Variants in NUP205 observed in about 807,000 individuals in gnomAD.
The protein encoded by NUP205 is nucleoporin 205.
In NUP205, 76 loss-of-function variants were observed where a neutral mutation model predicts 253.8. That is an observed-to-expected ratio of 0.30 (90% confidence interval 0.25 to 0.36). The LOEUF is 0.36. Ranked by LOEUF, NUP205 falls within the 10% of genes least tolerant of loss-of-function variation. NUP205 has a pLI of 1.00. For synonymous variants in NUP205, 832 were observed against 850.1 expected, an observed-to-expected ratio of 0.98 and a Z score of 0.37; for missense variants, 2,162 against 2,425.5, an observed-to-expected ratio of 0.89 and a Z score of 2.28.
intron 38 of NUP205, among the ~76,000 whole-genome samples, chr7:135,639,195 C>T (rs1794872792): frequency 6.6e-6 from 1 of 151,772 alleles, no homozygotes; most frequent in African/African-American, 2.4e-5. Flanking sequence ...CTATGGAACA[C>T]TCAGAAGAAA....
rs148613242 is a variant in NUP205, at chr7:135,573,763, C to A, written c.281C>A (p.Ala94Asp). 2.1e-5 allele frequency: 34 copies of A among 1,613,542 alleles called. No homozygotes were observed. The highest frequency in any genetic ancestry group is 2.9e-5 in the Non-Finnish European group (34 of 1,179,740). ...CTTCCTGAACAGCTCATTAAAGAAG[C>A]CTTTATTCTCAGTGACCTTTTTGAT... Reference protein sequence around the residue: ...RLLPEQLIKEAFILSDLFDIG... With the variant: ...RLLPEQLIKEDFILSDLFDIG... Residue 94 changes from alanine to aspartate, a missense_variant, in exon 3 of 43, where the codon GCC (alanine) becomes GAC (aspartate). Physicochemically the swap from Ala to Asp is moderately radical, Grantham distance 126 (BLOSUM62 -2). Coordinates refer to ENST00000285968, the MANE Select transcript of NUP205 (RefSeq NM_015135.3).
intron 1 of NUP205, among the ~76,000 whole-genome samples, chr7:135,570,871 A>ATATGTGTAATATATTATATATTATATATT (rs1805976778): frequency 2.9e-5 from 3 of 104,614 alleles, no homozygotes; most frequent in Non-Finnish European, 5.6e-5. Flanking sequence ...TAAATATAAA[A>ATATGTGTAATATATTATATATTATATATT]TATATGTAAT....
intron 31 of NUP205, 35 bp from the exon 32 acceptor site, chr7:135,625,129 T>C (rs774293373): frequency 5.2e-6 from 8 of 1,551,298 alleles, no homozygotes; most frequent in Non-Finnish European, 6.2e-6. Context: ...TGGTAGCATC[T>C]ACATGTTTTG....
At chr7:135,611,671 C>G (rs552182260) in intron 22 of NUP205, among the ~76,000 whole-genome samples, 2 of 151,576 alleles carry the variant, frequency 1.3e-5, no homozygotes, top group Admixed American at 6.6e-5. Context: ...TCTGCTGTAG[C>G]GAACAAAAAA....
intron 21 of NUP205, 124 bp downstream of exon 21, chr7:135,607,039 T>C: frequency 3.4e-6 from 4 of 1,164,274 alleles, no homozygotes; most frequent in Non-Finnish European, 4.9e-6. Context: ...GGTAATGTGA[T>C]GGATGGGTCA....
chr7:135,643,412 G>T, intron 39 of NUP205, 54 bp downstream of exon 39: 2 of 1,459,770 alleles, frequency 1.4e-6, no homozygotes, highest in South Asian at 2.4e-5. Flanking sequence ...CTGTTACTAG[G>T]CCAGGGTACT....
At chr7:135,631,713 G>A (rs1309213139) in intron 35 of NUP205, among the ~76,000 whole-genome samples, 2 of 150,100 alleles carry the variant, frequency 1.3e-5, no homozygotes, top group Admixed American at 6.6e-5. Flanking sequence ...TCTTTCTTTT[G>A]ATTTATCTCT....
At chr7:135,582,787 G>A (rs1352791400) in intron 7 of NUP205, among the ~76,000 whole-genome samples, 3 of 149,144 alleles carry the variant, frequency 2.0e-5, no homozygotes, top group Non-Finnish European at 4.4e-5. Flanking sequence ...TTCAAAATAC[G>A]AAACAAAACA....
intron 30 of NUP205, among the ~76,000 whole-genome samples, chr7:135,621,577 A>G (rs1794470454): frequency 1.3e-5 from 2 of 152,216 alleles, no homozygotes; most frequent in African/African-American, 4.8e-5. Context: ...GTACTTGTGA[A>G]ATTTTTAAAG....
At chr7:135,570,338 C>T (rs1805922123) in intron 1 of NUP205, among the ~76,000 whole-genome samples, 1 of 151,770 alleles carries the variant, frequency 6.6e-6, no homozygotes, top group Non-Finnish European at 1.5e-5. Flanking sequence ...TCCCAGCCTC[C>T]CAAGTAGCTG....
intron 7 of NUP205, among the ~76,000 whole-genome samples, chr7:135,581,688 C>T (rs1806308548): frequency 6.6e-6 from 1 of 151,832 alleles, no homozygotes; most frequent in South Asian, 2.1e-4. Flanking sequence ...CCCATCTCCA[C>T]TAAAAACACA....
At chr7:135,590,243 C>T (rs1353689429) in intron 10 of NUP205, among the ~76,000 whole-genome samples, 1 of 150,628 alleles carries the variant, frequency 6.6e-6, no homozygotes, top group African/African-American at 2.4e-5. Flanking sequence ...TCCCAAGGAG[C>T]TGGGATTACA....
intron 25 of NUP205, 107 bp from the exon 26 acceptor site, chr7:135,616,983 A>G: frequency 1.2e-6 from 1 of 812,814 alleles, no homozygotes. Flanking sequence ...TGACTATTTT[A>G]TGCTCTTTCT....
chr7:135,648,503 A>G lies in NUP205; in HGVS notation c.5986A>G (p.Ile1996Val). 1 of 1,605,618 alleles carries G rather than the reference A, an allele frequency of 6.2e-7. No homozygotes were observed. Among genetic ancestry groups the G allele is most frequent in the South Asian group, 1.1e-5 (1 of 89,674 alleles). The change falls in exon 43 of 43, where the codon ATA becomes GTA. Residue 1996 changes from isoleucine to valine, a missense_variant. Around this residue, in one of 5 missense-constraint regions of NUP205, gnomAD observed 1,144 missense variants for 1,280.9 expected, o/e 0.89. Transcript: ENST00000285968. Reference protein sequence around the residue: ...YSKVRSRYSFIQALVRRIRGL... With the variant: ...YSKVRSRYSFVQALVRRIRGL... Reference sequence around the variant, plus strand: ...AAAAGTTCGATCTCGATATAGTTTCATACAGGCTCTTGTCAGACGTATCCG... The same window carrying G: ...AAAAGTTCGATCTCGATATAGTTTCGTACAGGCTCTTGTCAGACGTATCCG...
intron 22 of NUP205, among the ~76,000 whole-genome samples, chr7:135,610,889 C>T (rs972174137): frequency 2.6e-5 from 4 of 152,044 alleles, no homozygotes; most frequent in Non-Finnish European, 5.9e-5. Context: ...TCTTTAAGAA[C>T]GGAGATTTCT....
chr7:135,622,855 T>C lies in NUP205; in HGVS notation c.4409T>C (p.Ile1470Thr). The change falls in exon 31 of 43, where the codon ATT (isoleucine) becomes ACT (threonine). Residue 1470 changes from isoleucine (I) to threonine (T), a missense_variant. Ile to Thr is a moderately conservative substitution (Grantham distance 89, BLOSUM62 -1). Around this residue, in one of 5 missense-constraint regions of NUP205, gnomAD observed 1,144 missense variants for 1,280.9 expected, o/e 0.89. Transcript: ENST00000285968. ...TTACAGCGAGAAAACATAGCCATTA[T>C]TGAAAGTTATGGCGCCGCCCTCATG... ...SKLQRENIAI[I>T]ESYGAALMEV... is the part of the protein sequence containing the mutation. The C allele has an allele frequency of 6.2e-7, 1 of 1,614,118 alleles. No homozygotes were observed. The highest frequency in any genetic ancestry group is 2.2e-5 in the East Asian group (1 of 44,886).
At chr7:135,601,048 A>G in intron 16 of NUP205, 79 bp downstream of exon 16, 1 of 683,694 alleles carries the variant, frequency 1.5e-6, no homozygotes, top group Non-Finnish European at 2.4e-6. Flanking sequence ...TATATAAATT[A>G]AAAATTATAC....
chr7:135,611,764 G>A (rs1794245074), intron 22 of NUP205, among the ~76,000 whole-genome samples: 1 of 152,112 alleles, frequency 6.6e-6, no homozygotes, highest in South Asian at 2.1e-4. Context: ...GCTTGAACCT[G>A]GGAGGTGGCA....
chr7:135,610,279 G>A (rs141519800), intron 22 of NUP205, among the ~76,000 whole-genome samples: 4,616 of 152,240 alleles, frequency 0.03, 101 homozygotes, highest in Middle Eastern at 0.1. Context: ...GGAGTGCAGT[G>A]GCACGATCTC....
Sources: gnomAD v4.1 joint callset for allele counts (sites outside exome capture counted in the v4.1 genomes callset) on GRCh38, gnomAD v4.1.1 for gene constraint, gnomAD v4.1.1 regional missense constraint, MANE v1.5 for transcripts, NCBI Gene and HGNC (gene_info 2026-07-23, HGNC 2026-07-21) for gene names.